The following NOS1 variants were observed in gnomAD, a reference collection of about 807,000 sequenced individuals.
The protein encoded by NOS1 is nitric oxide synthase 1.
In NOS1, 51 loss-of-function variants were observed where a neutral mutation model predicts 164.5. That is an observed-to-expected ratio of 0.31 (90% CI 0.25 to 0.39). NOS1 has a LOEUF of 0.39. NOS1 is among the 10% of genes least tolerant of loss of function. The pLI is 1.00. For synonymous variants in NOS1, 719 were observed against 745.8 expected (o/e 0.96, Z 0.59); for missense variants, 1,362 against 1,885.6 (o/e 0.72, Z 5.14).
intron 20 of NOS1, among the ~76,000 whole-genome samples, chr12:117,235,124 C>T (rs1869595508): frequency 6.6e-6 from 1 of 151,968 alleles, no homozygotes; most frequent in South Asian, 2.1e-4. Flanking sequence ...CCCTATGTGG[C>T]CCAGGCTGGT....
chr12:117,331,409 A>T lies in NOS1; in HGVS notation c.-340T>A. ...CGTCTGATGGCTGTGTCTAGAAGTG[A>T]CGCATGATAGATGTGAACTATTCTC... is the stretch of plus-strand genomic sequence containing the variant. On this transcript the variant is annotated 5_prime_UTR_variant, in exon 2 of 29. Coordinates refer to ENST00000317775, the MANE Select transcript of NOS1 (RefSeq NM_000620.5). 1 of 291,232 alleles carries T rather than the reference A, an allele frequency of 3.4e-6. No homozygotes were observed. Among genetic ancestry groups the T allele is most frequent in the Non-Finnish European group, 6.5e-6 (1 of 153,370 alleles). The allele number at this position is 291,232 out of a possible 1,614,324, so 18.0% of individuals were successfully genotyped here. A position where few individuals can be genotyped will look rare whatever the true frequency, so the allele number is the denominator to read the frequency against.
Position 117,318,168 on chromosome 12 carries a change from T to TCA in NOS1, c.726-6578_726-6577dup, listed in dbSNP as rs141152337. Reference sequence around the variant, plus strand: ...GCCTGGGAGACAGAAACAGACCCTGTCACACACACACACACCCCTCAGATT... The same window carrying TCA: ...GCCTGGGAGACAGAAACAGACCCTGTCACACACACACACACACCCCTCAGATT... On this transcript the variant is annotated intron_variant, in intron 2 of 28. Transcript: ENST00000317775. Among the ~76,000 whole-genome samples, 913 of 151,606 alleles carry TCA rather than the reference T, an allele frequency of 6.0e-3. 4 individuals are homozygous for TCA. The highest frequency in any genetic ancestry group is 9.9e-3 in the Non-Finnish European group (670 of 67,822).
In NOS1 at chr12:117,272,575, G is replaced by A. The variant is rs1192679462; in HGVS notation, c.1665-16C>T. On this transcript the variant is annotated splice_polypyrimidine_tract_variant and intron_variant, in intron 9 of 28. Transcript: ENST00000317775. The surrounding 1 kb of genome is among the most constrained non-coding windows in gnomAD (Gnocchi z 4.3). The stretch of plus-strand genomic sequence containing the variant: ...CCACTCAAACCTGCAGGGAGCAACA[G>A]GGCCCAGCTCACCCGGAGCAGGTGT... 1 of 1,608,966 alleles carries A rather than the reference G, an allele frequency of 6.2e-7. No individual in the cohort carries two copies. The highest frequency in any genetic ancestry group is 8.5e-7 in the Non-Finnish European group (1 of 1,177,710).
chr12:117,216,867 G>A (rs148104828), intron 28 of NOS1, among the ~76,000 whole-genome samples: 1 of 152,262 alleles, frequency 6.6e-6, no homozygotes, highest in East Asian at 1.9e-4. Flanking sequence ...AGAGACTGCT[G>A]TGTCATCGTA....
intron 3 of NOS1, among the ~76,000 whole-genome samples, chr12:117,305,583 A>G (rs1445926723): frequency 6.6e-6 from 1 of 152,030 alleles, no homozygotes; most frequent in Non-Finnish European, 1.5e-5. Context: ...TTTTCTATTA[A>G]TTTGCTCACC....
In NOS1 at chr12:117,263,992, G is replaced by T; in HGVS notation, c.2137-18C>A. On this transcript the variant is annotated intron_variant, in intron 12 of 28. Coordinates refer to ENST00000317775, the MANE Select transcript of NOS1 (RefSeq NM_000620.5). ...GGATCAGGCTGGGAAGAGAAGGAGA[G>T]GGCTATGGTCACTCACTGCAGTGAG... 1.2e-6 allele frequency: 2 copies of T among 1,608,860 alleles called. No individual in the cohort carries two copies. The highest frequency in any genetic ancestry group is 8.5e-7 in the Non-Finnish European group (1 of 1,175,522).
rs1027501808 is a variant in NOS1 at position 117,272,853 on chromosome 12, T to C, written c.1665-294A>G. On this transcript the variant is annotated intron_variant, in intron 9 of 28. Transcript: ENST00000317775. This position sits in a 1 kb window ranked among gnomAD's most constrained non-coding sequence, Gnocchi z 4.3. ...CCCTGAAAGTGAGTCCAGGAGAAAG[T>C]GTGGGGACCTCTCTCCCCCTTCCCC... 6.6e-6 allele frequency among the ~76,000 whole-genome samples: 1 copy of C among 152,172 alleles called. No individual in the cohort carries two copies. The highest frequency in any genetic ancestry group is 2.4e-5 in the African/African-American group (1 of 41,434).
At position 117,208,852 on chromosome 12, in the gene NOS1, A is replaced by G. The variant is rs1304034987; in HGVS notation, c.*6457T>C. On this transcript the variant is annotated 3_prime_UTR_variant, in exon 29 of 29. Transcript: ENST00000317775. ...ATTCTCCTGCCTCAGCCTCCCGAGT[A>G]GATGGGATTACAGATGCCCGCCACC... is the stretch of plus-strand genomic sequence containing the variant. 10 of 650,696 alleles carry G rather than the reference A, an allele frequency of 1.5e-5. No individual in the cohort carries two copies. Among genetic ancestry groups the G allele is most frequent in the Non-Finnish European group, 1.9e-5 (10 of 523,494 alleles). The allele number at this position is 650,696 out of a possible 1,614,324, so 40.3% of individuals were successfully genotyped here.
chr12:117,319,728 G>A (rs1041359550), intron 2 of NOS1, among the ~76,000 whole-genome samples: 5 of 152,184 alleles, frequency 3.3e-5, no homozygotes, highest in Non-Finnish European at 5.9e-5. Context: ...ACTGTGTGTG[G>A]TCCTCAACCT....
chr12:117,222,574 C>T (rs1956724971), intron 26 of NOS1, 141 bp downstream of exon 26: 2 of 765,872 alleles, frequency 2.6e-6, no homozygotes, highest in Non-Finnish European at 4.3e-6. Flanking sequence ...TTTTCCCTAC[C>T]CATGCTTTCT....
intron 3 of NOS1, among the ~76,000 whole-genome samples, chr12:117,306,418 T>TGC (rs10686986): frequency 0.87 from 132,092 of 151,948 alleles, 57,758 homozygotes; most frequent in African/African-American, 0.97. Context: ...GCTGAGTTTG[T>TGC]AGGGAGAATG....
chr12:117,216,337 G>A (rs1429232106), intron 28 of NOS1, among the ~76,000 whole-genome samples: 3 of 150,754 alleles, frequency 2.0e-5, no homozygotes, highest in Non-Finnish European at 4.4e-5. Flanking sequence ...CACCTGCCAC[G>A]ACGCTCGGCT....
intron 3 of NOS1, among the ~76,000 whole-genome samples, chr12:117,308,880 C>A (rs1469455953): frequency 6.6e-6 from 1 of 152,094 alleles, no homozygotes. Context: ...CAGGTGTGAG[C>A]CACCGTGCCT....
At chr12:117,240,619 T>C (rs1399024218) in intron 20 of NOS1, among the ~76,000 whole-genome samples, 1 of 152,214 alleles carries the variant, frequency 6.6e-6, no homozygotes, top group Non-Finnish European at 1.5e-5. Flanking sequence ...AAAATGTGTA[T>C]GATAAGAGTG....
rs1274898638 is a variant in NOS1 at position 117,208,322 on chromosome 12, AG to A, written c.*6986del. On this transcript the variant is annotated 3_prime_UTR_variant, in exon 29 of 29. Coordinates refer to ENST00000317775, the MANE Select transcript of NOS1 (RefSeq NM_000620.5). ...TCCTTCAAGGAAGGTGCTGGAGCAC[AG>A]GGACACTTGGCAGAGATTAGCAGCA... 2 of 1,288,990 alleles carry A rather than the reference AG, an allele frequency of 1.6e-6. No homozygotes were observed. Among genetic ancestry groups the A allele is most frequent in the Non-Finnish European group, 1.0e-6 (1 of 988,714 alleles). The allele number at this position is 1,288,990 out of a possible 1,614,324, so 79.8% of individuals were successfully genotyped here. A position where few individuals can be genotyped will look rare whatever the true frequency, so the allele number is the denominator to read the frequency against.
chr12:117,264,027 T>C, intron 12 of NOS1, 53 bp from the exon 13 acceptor site: 1 of 1,480,666 alleles, frequency 6.8e-7, no homozygotes, highest in Non-Finnish European at 9.4e-7. Context: ...GGGCATCTGG[T>C]TCCTGTTGGG....
intron 26 of NOS1, among the ~76,000 whole-genome samples, chr12:117,221,796 C>A (rs183490386): frequency 6.7e-6 from 1 of 149,750 alleles, no homozygotes; most frequent in Non-Finnish European, 1.5e-5. Context: ...CAGTCATACG[C>A]CACCACGCCC....
intron 3 of NOS1, among the ~76,000 whole-genome samples, chr12:117,297,282 T>C (rs1055548038): frequency 1.3e-5 from 2 of 152,156 alleles, no homozygotes; most frequent in African/African-American, 4.8e-5. Flanking sequence ...GCAGCAGGAC[T>C]GGAAGCAGGG....
intron 2 of NOS1, 62 bp from the exon 3 acceptor site, chr12:117,311,654 G>C: frequency 6.4e-7 from 1 of 1,553,468 alleles, no homozygotes; most frequent in East Asian, 2.3e-5. Flanking sequence ...TGGTTGCTTT[G>C]ACCTGGAAGT....
Sources: allele counts gnomAD v4.1 joint callset (sites outside exome capture counted in the v4.1 genomes callset), GRCh38; gene constraint gnomAD v4.1.1; non-coding constraint Gnocchi (gnomAD v3.1); transcripts MANE v1.5; gene names NCBI Gene and HGNC (gene_info 2026-07-23, HGNC 2026-07-21).